The following MEF2C variants were observed in gnomAD, a reference collection of about 807,000 sequenced individuals.
MEF2C encodes the protein myocyte-specific enhancer factor 2C.
Under a neutral mutation model 50.5 loss-of-function variants are expected in MEF2C, and 6 were observed. The ratio of observed to expected loss-of-function variants is 0.12; its 90% CI spans 0.07 to 0.23. The LOEUF (loss-of-function observed/expected upper bound fraction) is 0.23, where lower values mean the gene tolerates loss of function less well. Among genes scored for constraint, MEF2C ranks in the 10% least tolerant of loss-of-function variants. MEF2C has a pLI of 1.00. For missense variants in MEF2C, 276 were observed against 605.0 expected, an observed-to-expected ratio of 0.46 and a Z score of 5.70; for synonymous variants, 183 against 228.0, an observed-to-expected ratio of 0.80 and a Z score of 1.78.
At chr5:88,888,328 A>T (rs770376840) in intron 1 of MEF2C, 14 of 152,242 alleles carry the variant, frequency 9.2e-5, no homozygotes, top group Non-Finnish European at 1.6e-4. Flanking sequence ...GCCTTGAGAC[A>T]CATCAGACCA....
chr5:88,856,597 A>G (rs1823457602), intron 1 of MEF2C, among the ~76,000 whole-genome samples: 1 of 152,202 alleles, frequency 6.6e-6, no homozygotes, highest in Non-Finnish European at 1.5e-5. Context: ...CAGGCCCAAG[A>G]CCTTGCTGCT....
intron 6 of MEF2C, chr5:88,734,765 C>T: frequency 5.1e-6 from 5 of 981,376 alleles, no homozygotes; most frequent in Admixed American, 6.2e-5. Context: ...ATTTTAAAAG[C>T]CTTCTATTTT....
intron 3 of MEF2C, among the ~76,000 whole-genome samples, chr5:88,767,979 C>T (rs1284539753): frequency 1.3e-5 from 2 of 152,208 alleles, no homozygotes; most frequent in Non-Finnish European, 1.5e-5. Flanking sequence ...CATGCCTTTC[C>T]TTCTGCATCC....
intron 6 of MEF2C, chr5:88,738,048 C>CAGAG: frequency 1.0e-6 from 1 of 985,142 alleles, no homozygotes; most frequent in South Asian, 4.7e-5. Context: ...TGAGGCAGCG[C>CAGAG]AGAGAGAAAG....
chr5:88,881,531 A>G (rs1832829486), intron 1 of MEF2C, among the ~76,000 whole-genome samples: 2 of 152,242 alleles, frequency 1.3e-5, no homozygotes, highest in Middle Eastern at 3.2e-3. Flanking sequence ...AAGATGTTTT[A>G]GTTTCAAATT....
At chr5:88,740,296 A>G in intron 6 of MEF2C, 4 of 983,206 alleles carry the variant, frequency 4.1e-6, no homozygotes, top group Non-Finnish European at 4.8e-6. Flanking sequence ...CAATGAGACA[A>G]TGAGCTTTTA....
At chr5:88,773,724 G>A (rs568694618) in intron 3 of MEF2C, among the ~76,000 whole-genome samples, 76 of 152,314 alleles carry the variant, frequency 5.0e-4, no homozygotes, top group African/African-American at 1.7e-3. Flanking sequence ...CTAAGCAAAA[G>A]CTAGTGGCTA....
chr5:88,854,590 T>C (rs1822585900), intron 1 of MEF2C, among the ~76,000 whole-genome samples: 1 of 152,158 alleles, frequency 6.6e-6, no homozygotes, highest in Non-Finnish European at 1.5e-5. Flanking sequence ...TGAATTAGGA[T>C]AATTATTACC....
chr5:88,849,100 G>A (rs1820353042), intron 1 of MEF2C, among the ~76,000 whole-genome samples: 1 of 145,352 alleles, frequency 6.9e-6, no homozygotes, highest in African/African-American at 2.6e-5. Flanking sequence ...GCAGTGAGCC[G>A]AGATCGCGCC....
intron 1 of MEF2C, among the ~76,000 whole-genome samples, chr5:88,830,360 A>G (rs1444326550): frequency 1.3e-5 from 2 of 152,008 alleles, no homozygotes; most frequent in Non-Finnish European, 2.9e-5. Flanking sequence ...CGTTTTCTTA[A>G]CCCCTGCAAT....
Position 88,895,020 on chromosome 5 carries a change from A to G in MEF2C, c.-239-7422T>C, listed in dbSNP as rs151082876. Among the ~76,000 whole-genome samples, 38 of 152,308 alleles carry G rather than the reference A, an allele frequency of 2.5e-4. No homozygotes were observed. The East Asian group carries it at 6.2e-3, about 25-fold the overall frequency. The stretch of plus-strand genomic sequence containing the variant: ...ATAATGATTTTGCCGAGAGAAGCAC[A>G]TGAAATTGTACTTCTGTGGCCACTT... On this transcript the variant is annotated intron_variant, in intron 1 of 11. Coordinates refer to the MEF2C transcript ENST00000340208.
intron 2 of MEF2C, among the ~76,000 whole-genome samples, chr5:88,806,491 TCA>T (rs1800491858): frequency 6.6e-6 from 1 of 152,064 alleles, no homozygotes. Flanking sequence ...ACTAGAAACC[TCA>T]GAGAGAACTC....
chr5:88,796,759 G>T (rs1027327803), intron 3 of MEF2C, among the ~76,000 whole-genome samples: 1 of 152,166 alleles, frequency 6.6e-6, no homozygotes, highest in Non-Finnish European at 1.5e-5. Context: ...TAGGCATTCA[G>T]TGCTATAAAT....
intron 1 of MEF2C, among the ~76,000 whole-genome samples, chr5:88,872,775 T>G (rs1174787946): frequency 2.0e-5 from 3 of 151,994 alleles, no homozygotes; most frequent in Admixed American, 2.0e-4. Flanking sequence ...TTCTGGTCAT[T>G]AAAACACCTG....
intron 3 of MEF2C, chr5:88,772,688 T>G: frequency 9.3e-6 from 9 of 964,188 alleles, no homozygotes; most frequent in African/African-American, 1.8e-5. Flanking sequence ...ACATAATACG[T>G]GACATTCAAA....
At chr5:88,900,434 T>C (rs1355236720) in intron 1 of MEF2C, among the ~76,000 whole-genome samples, 4 of 151,880 alleles carry the variant, frequency 2.6e-5, no homozygotes, top group Non-Finnish European at 1.5e-5. Flanking sequence ...TTCCAACTTA[T>C]ATTTTTGATT....
intron 1 of MEF2C, among the ~76,000 whole-genome samples, chr5:88,874,044 A>G (rs1830368307): frequency 6.6e-6 from 1 of 151,894 alleles, no homozygotes; most frequent in South Asian, 2.1e-4. Flanking sequence ...CCACCCAACA[A>G]CTTAATAAGG....
At chr5:88,746,464 T>G (rs1769680345) in intron 6 of MEF2C, 37 of 942,034 alleles carry the variant, frequency 3.9e-5, no homozygotes, top group African/African-American at 5.4e-5. Context: ...TTTAACAAAG[T>G]GAGATGACTT....
chr5:88,739,049 A>G, intron 6 of MEF2C: 1 of 983,398 alleles, frequency 1.0e-6, no homozygotes, highest in Non-Finnish European at 1.2e-6. Context: ...TTAAATGGTA[A>G]TGATGCTTAC....
Sources: gnomAD v4.1 joint callset for allele counts (sites outside exome capture counted in the v4.1 genomes callset) on GRCh38, gnomAD v4.1.1 for gene constraint, MANE v1.5 for transcripts, NCBI Gene and HGNC (gene_info 2026-07-23, HGNC 2026-07-21) for gene names.